C2orf92: variants seen among roughly 807,000 people sequenced by gnomAD.
The protein encoded by C2orf92 is chromosome 2 open reading frame 92.
At chr2:97,694,749 C>T (rs1676255679) in intron 5 of C2orf92, 1 of 152,094 alleles carries the variant, frequency 6.6e-6, no homozygotes, top group African/African-American at 2.4e-5. Flanking sequence ...TGGGTATATA[C>T]TCAGAAGTGA....
chr2:97,686,975 A>C (rs1392791716), intron 3 of C2orf92, among the ~76,000 whole-genome samples: 1 of 152,104 alleles, frequency 6.6e-6, no homozygotes, highest in Non-Finnish European at 1.5e-5. Flanking sequence ...CTGAGACTGC[A>C]CCACTGCACT....
At chr2:97,670,050 C>T in intron 1 of C2orf92, 1 of 387,310 alleles carries the variant, frequency 2.6e-6, no homozygotes, top group Non-Finnish European at 4.6e-6. Flanking sequence ...AAATTCAGAG[C>T]TCTATAGGAG....
At chr2:97,689,097 T>C in intron 4 of C2orf92, 104 bp downstream of exon 4, 1 of 397,112 alleles carries the variant, frequency 2.5e-6, no homozygotes, top group Non-Finnish European at 4.4e-6. Flanking sequence ...AACCAACTAC[T>C]GGTGGGGCAA....
chr2:97,694,235 T>A (rs1473210406), intron 5 of C2orf92, among the ~76,000 whole-genome samples: 1 of 151,476 alleles, frequency 6.6e-6, no homozygotes, highest in Non-Finnish European at 1.5e-5. Flanking sequence ...AAATGTCCTT[T>A]CTTTCTTTCT....
At chr2:97,679,341 T>TA (rs1010303567) in intron 3 of C2orf92, among the ~76,000 whole-genome samples, 7 of 152,172 alleles carry the variant, frequency 4.6e-5, no homozygotes, top group African/African-American at 1.7e-4. Flanking sequence ...ATAGACTCTG[T>TA]AATAACAACA....
intron 3 of C2orf92, among the ~76,000 whole-genome samples, chr2:97,679,174 G>GAA (rs55749123): frequency 2.1e-4 from 31 of 147,712 alleles, no homozygotes; most frequent in Non-Finnish European, 2.2e-4. Flanking sequence ...CTTGACATAA[G>GAA]AAAAAAAAAA....
intron 1 of C2orf92, chr2:97,671,921 G>T (rs1314159890): frequency 6.4e-6 from 1 of 157,432 alleles, no homozygotes; most frequent in Admixed American, 6.5e-5. Context: ...CAGATTTTGG[G>T]GTGTGGGGAT....
At chr2:97,666,283 A>G (rs1193442847), upstream of C2orf92, among the ~76,000 whole-genome samples, 3 of 141,112 alleles carry the variant, frequency 2.1e-5, no homozygotes, top group African/African-American at 7.9e-5. Flanking sequence ...TATGCCTGTA[A>G]TCCCAGCACT....
intron 1 of C2orf92, among the ~76,000 whole-genome samples, chr2:97,673,813 G>A (rs1352952579): frequency 2.6e-5 from 4 of 152,156 alleles, no homozygotes; most frequent in African/African-American, 9.7e-5. Flanking sequence ...CAGAGATAAG[G>A]CTGGGTGAAA....
At chr2:97,681,384 G>T (rs1675768625) in intron 3 of C2orf92, among the ~76,000 whole-genome samples, 1 of 152,020 alleles carries the variant, frequency 6.6e-6, no homozygotes, top group Admixed American at 6.6e-5. Context: ...CTACAACAGA[G>T]GGAAATCTGG....
intron 3 of C2orf92, 117 bp downstream of exon 3, chr2:97,676,045 C>T: frequency 2.5e-6 from 1 of 397,932 alleles, no homozygotes; most frequent in Non-Finnish European, 4.4e-6. Context: ...AAGTGCTTTG[C>T]CTTGAGGCTA....
intron 5 of C2orf92, among the ~76,000 whole-genome samples, 174 bp from the exon 6 acceptor site, chr2:97,698,852 T>C (rs929559965): frequency 2.6e-4 from 39 of 152,166 alleles, no homozygotes; most frequent in African/African-American, 8.4e-4. Context: ...TTTTAAAAAG[T>C]AAACAAAAAC....
chr2:97,667,157 A>G (rs1416677694), upstream of C2orf92: 2 of 152,164 alleles, frequency 1.3e-5, no homozygotes, highest in Non-Finnish European at 2.9e-5. Flanking sequence ...TATGAAACAT[A>G]TCAGGACACA....
At chr2:97,664,895 G>A (rs1455504705), upstream of C2orf92, among the ~76,000 whole-genome samples, 1 of 152,164 alleles carries the variant, frequency 6.6e-6, no homozygotes, top group Non-Finnish European at 1.5e-5. Flanking sequence ...TCCTCGTTGA[G>A]CACTGAAGAA....
At chr2:97,690,783 T>TG (rs1471078166) in intron 5 of C2orf92, among the ~76,000 whole-genome samples, 1 of 147,302 alleles carries the variant, frequency 6.8e-6, no homozygotes, top group African/African-American at 2.5e-5. Context: ...TTTTTTTTTT[T>TG]TTGTTTTTTT....
At chr2:97,692,495 C>T (rs1676172341) in intron 5 of C2orf92, among the ~76,000 whole-genome samples, 1 of 150,830 alleles carries the variant, frequency 6.6e-6, no homozygotes, top group Non-Finnish European at 1.5e-5. Flanking sequence ...CTGCAACCTC[C>T]TCCTCCCAGG....
intron 4 of C2orf92, 55 bp from the exon 5 acceptor site, chr2:97,690,201 T>C (rs1676082259): frequency 2.5e-6 from 1 of 397,640 alleles, no homozygotes; most frequent in East Asian, 3.6e-5. Context: ...CTTGCAAATG[T>C]GTACTGATGA....
chr2:97,684,904 G>T (rs1427251994), intron 3 of C2orf92, among the ~76,000 whole-genome samples: 1 of 151,780 alleles, frequency 6.6e-6, no homozygotes, highest in Non-Finnish European at 1.5e-5. Flanking sequence ...CACTATTCAC[G>T]CTTCTTAGAA....
chr2:97,689,738 G>A (rs1676067905), intron 4 of C2orf92, among the ~76,000 whole-genome samples: 1 of 152,104 alleles, frequency 6.6e-6, no homozygotes, highest in Non-Finnish European at 1.5e-5. Flanking sequence ...CTCTGCAATC[G>A]GCAGTGAGGC....
Sources: gnomAD v4.1 joint callset for allele counts (sites outside exome capture counted in the v4.1 genomes callset) on GRCh38, gnomAD v4.1.1 for gene constraint, MANE v1.5 for transcripts, NCBI Gene and HGNC (gene_info 2026-07-23, HGNC 2026-07-21) for gene names.